PRKDC: variants seen among roughly 807,000 people sequenced by gnomAD.
PRKDC encodes protein kinase, DNA-activated, catalytic subunit, also known as DNA-dependent protein kinase catalytic subunit.
Under a neutral mutation model 486.9 loss-of-function variants are expected in PRKDC, and 82 were observed. The observed-to-expected ratio is 0.17, with a 90% CI of 0.14 to 0.20. The LOEUF (loss-of-function observed/expected upper bound fraction) is 0.20, where lower values mean the gene tolerates loss of function less well. Among genes scored for constraint, PRKDC ranks in the 10% least tolerant of loss-of-function variants. The pLI is 1.00. For synonymous variants in PRKDC, 1,895 were observed against 1,837.0 expected (o/e 1.03, Z -0.81); for missense variants, 4,504 against 5,038.2 (o/e 0.89, Z 3.21).
intron 35 of PRKDC, among the ~76,000 whole-genome samples, 164 bp downstream of exon 35, chr8:47,887,383 C>G (rs975533895): frequency 6.6e-6 from 1 of 151,390 alleles, no homozygotes. Context: ...TTTTTTTTAA[C>G]TATTGAGAAA....
chr8:47,922,042 A>T (rs1305494504), intron 21 of PRKDC, among the ~76,000 whole-genome samples: 2 of 152,200 alleles, frequency 1.3e-5, no homozygotes, highest in East Asian at 3.9e-4. Context: ...CGGCCTCCCT[A>T]AGTGCTGGGA....
In PRKDC at chr8:47,857,507, A is replaced by G. The variant is rs8178155; in HGVS notation, c.6466-208T>C. ...TTATTAAAAGAGGAAATCAGGACAC[A>G]GAGACAGATACAAGGGGGAAGATGA... On this transcript the variant is annotated intron_variant, in intron 48 of 85. Transcript: ENST00000314191. Among the ~76,000 whole-genome samples, 982 of 152,338 alleles carry G rather than the reference A, an allele frequency of 6.4e-3. 13 individuals carry two copies. The highest frequency in any genetic ancestry group is 0.023 in the African/African-American group (952 of 41,572).
rs921810428 is a variant in PRKDC, at chr8:47,893,229, T to G, written c.3757A>C (p.Thr1253Pro). 5.6e-6 allele frequency: 9 copies of G among 1,612,846 alleles called. No homozygotes were observed. In the African/African-American group the frequency reaches 1.2e-4, roughly 22 times the overall value. ...YLRGPFSLQA[T>P]LCWLDLLLAA... ...AGGAGCAGGTCCAGCCAGCATAGCG[T>G]GGCCTGCAGGCTGAATGGCCCCCGA... Residue 1253 changes from threonine (T) to proline (P), a missense_variant, in exon 31 of 86, where the codon ACG (threonine) becomes CCG (proline). By Grantham distance (38) the Thr-to-Pro change is conservative (BLOSUM62 -1). This residue lies in a region of PRKDC where 1,969 missense variants were observed against 2,068.9 expected (regional missense o/e 0.95). Transcript: ENST00000314191.
In PRKDC at chr8:47,823,875, C is replaced by T. The variant is rs1417236041; in HGVS notation, c.8905G>A (p.Ala2969Thr). The stretch of plus-strand genomic sequence containing the variant: ...AATTTTACCTCATCATACTGCTTAG[C>T]AGCTTCAGAATAATCACTTCTGGCT... ...AEARSDYSEA[A>T]KQYDEALNKQ... is the part of the protein sequence containing the mutation. The change falls in exon 64 of 86, where the codon GCT (alanine) becomes ACT (threonine). Residue 2969 changes from alanine to threonine, a missense_variant. Physicochemically the swap from Ala to Thr is moderately conservative, Grantham distance 58. Coordinates refer to ENST00000314191, the MANE Select transcript of PRKDC (RefSeq NM_006904.7). The T allele has an allele frequency of 6.2e-7, 1 of 1,613,792 alleles. No homozygotes were observed. Among genetic ancestry groups the T allele is most frequent in the South Asian group, 1.1e-5 (1 of 91,072 alleles).
At position 47,854,144 on chromosome 8, in the gene PRKDC, C is replaced by G. The variant is rs1243224193; in HGVS notation, c.6832G>C (p.Gly2278Arg). 3.1e-6 allele frequency: 5 copies of G among 1,613,888 alleles called. No homozygotes were observed. The highest frequency in any genetic ancestry group is 2.2e-5 in the East Asian group (1 of 44,888). The change falls in exon 51 of 86, where the codon GGC (glycine) becomes CGC (arginine). Residue 2278 changes from glycine to arginine, a missense_variant. This residue lies in a region of PRKDC where 1,592 missense variants were observed against 1,724.6 expected (regional missense o/e 0.92). Coordinates refer to ENST00000314191, the MANE Select transcript of PRKDC (RefSeq NM_006904.7). ...GGCAGGTCATTGGCCATCACGATGC[C>G]TAGCAATTGAATCCCTACTGAGTTG... ...KDNSVGIQLL[G>R]IVMANDLPPY...
At chr8:47,847,937 AT>A (rs2088310098) in intron 54 of PRKDC, among the ~76,000 whole-genome samples, 1 of 152,004 alleles carries the variant, frequency 6.6e-6, no homozygotes, top group African/African-American at 2.4e-5. Flanking sequence ...TGCAAATGAG[AT>A]ACCATCTCAC....
chr8:47,847,249 G>A (rs1354244823), intron 54 of PRKDC, among the ~76,000 whole-genome samples: 2 of 152,016 alleles, frequency 1.3e-5, no homozygotes, highest in African/African-American at 4.8e-5. Context: ...ATACTACAGG[G>A]ATACAATAAT....
At chr8:47,916,456 G>A (rs2089985198) in intron 22 of PRKDC, among the ~76,000 whole-genome samples, 1 of 151,892 alleles carries the variant, frequency 6.6e-6, no homozygotes, top group South Asian at 2.1e-4. Flanking sequence ...AAATCTTTAA[G>A]TAATGAGAAG....
At chr8:47,840,542 T>C (rs2088116482) in intron 54 of PRKDC, among the ~76,000 whole-genome samples, 1 of 152,208 alleles carries the variant, frequency 6.6e-6, no homozygotes, top group Non-Finnish European at 1.5e-5. Context: ...AAAGGGTGTA[T>C]ATGGAAATTA....
At chr8:47,830,554 C>T (rs1040158737) in intron 61 of PRKDC, 51 bp downstream of exon 61, 5 of 1,599,242 alleles carry the variant, frequency 3.1e-6, no homozygotes, top group African/African-American at 2.7e-5. Flanking sequence ...AACCCCTGAA[C>T]TGGAAACAGA....
chr8:47,917,907 G>A (rs2090012264), intron 22 of PRKDC, among the ~76,000 whole-genome samples: 1 of 152,160 alleles, frequency 6.6e-6, no homozygotes, highest in Non-Finnish European at 1.5e-5. Flanking sequence ...GTGCAGTGGT[G>A]TGATCTTGCT....
chr8:47,889,069 A>G lies in PRKDC; in HGVS notation c.4225T>C (p.Ser1409Pro), dbSNP rs1411156285. 1.2e-6 allele frequency: 2 copies of G among 1,613,884 alleles called. No individual in the cohort carries two copies. Among genetic ancestry groups the G allele is most frequent in the East Asian group, 4.5e-5 (2 of 44,866 alleles). ...CVNLMKALKM[S>P]PYKDILETHL... ...GTCTCTAGGATATCTTTGTATGGGG[A>G]CATCTTTAGAGCTTTCATCAGATTC... The change falls in exon 33 of 86, where the codon TCC becomes CCC. Residue 1409 changes from serine (S) to proline (P), a missense_variant. Ser to Pro is a moderately conservative substitution (Grantham distance 74). Coordinates refer to ENST00000314191, the MANE Select transcript of PRKDC (RefSeq NM_006904.7).
chr8:47,774,381 G>GA lies in PRKDC; in HGVS notation c.12183-5dup, dbSNP rs545199062. On this transcript the variant is annotated splice_polypyrimidine_tract_variant and splice_region_variant and intron_variant, in intron 85 of 85. Transcript: ENST00000314191. ...ATGACCCAGGAGTAGCTCATCACTGGAAAAAAAACAAACACAGAAAACACA... is the reference window on the plus strand; with the variant it reads ...ATGACCCAGGAGTAGCTCATCACTGGAAAAAAAAACAAACACAGAAAACACA... 2.1e-5 allele frequency: 33 copies of GA among 1,607,786 alleles called. No homozygotes were observed. The highest frequency in any genetic ancestry group is 2.0e-4 in the African/African-American group (15 of 74,448).
At chr8:47,902,951 T>C (rs1447208181) in intron 26 of PRKDC, among the ~76,000 whole-genome samples, 156 bp from the exon 27 acceptor site, 2 of 152,240 alleles carry the variant, frequency 1.3e-5, no homozygotes, top group Non-Finnish European at 1.5e-5. Flanking sequence ...CCAATCTCCA[T>C]AGTGTATCCA....
rs530519614 is a variant in PRKDC, at chr8:47,922,145, C to G, written c.2420-3762G>C. Among the ~76,000 whole-genome samples the G allele has an allele frequency of 3.3e-3, 494 of 151,202 alleles. 1 individual carries two copies. Among genetic ancestry groups the G allele is most frequent in the Non-Finnish European group, 5.4e-3 (364 of 67,680 alleles). Reference sequence around the variant, plus strand: ...GCACCCAGCCTGATTTTTCTTTTTTCTTTCTTCAGAAGGGTCTCACTCTGT... The same window carrying G: ...GCACCCAGCCTGATTTTTCTTTTTTGTTTCTTCAGAAGGGTCTCACTCTGT... On this transcript the variant is annotated intron_variant, in intron 21 of 85. Coordinates refer to ENST00000314191, the MANE Select transcript of PRKDC (RefSeq NM_006904.7).
In PRKDC at chr8:47,893,262, A is replaced by C; in HGVS notation, c.3724T>G (p.Leu1242Val). ...AGGCTGAATGGCCCCCGAAGGTACA[A>C]GAGGGTGGGCTGGGCCAGGATGCCC... ...PSGILAQPTL[L>V]YLRGPFSLQA... Residue 1242 changes from leucine (L) to valine (V), a missense_variant, in exon 31 of 86, where the codon TTG (leucine) becomes GTG (valine). This residue lies in a region of PRKDC where 1,969 missense variants were observed against 2,068.9 expected (regional missense o/e 0.95). Transcript: ENST00000314191. The C allele has an allele frequency of 6.2e-7, 1 of 1,612,506 alleles. No homozygotes were observed. The highest frequency in any genetic ancestry group is 8.5e-7 in the Non-Finnish European group (1 of 1,179,152).
rs749565098 is a variant in PRKDC, at chr8:47,904,945, A to T, written c.2966T>A (p.Met989Lys). 4 of 1,613,748 alleles carry T rather than the reference A, an allele frequency of 2.5e-6. No individual in the cohort carries two copies. In the South Asian group the frequency reaches 3.3e-5, roughly 13 times the overall value. ...GTTAGTGAACCAGTGAATCAGCTGCATAACTAGTGGCTCATACAGTTGCCT... is the reference window on the plus strand; with the variant it reads ...GTTAGTGAACCAGTGAATCAGCTGCTTAACTAGTGGCTCATACAGTTGCCT... ...VTRQLYEPLV[M>K]QLIHWFTNNK... Residue 989 changes from methionine to lysine, a missense_variant, in exon 26 of 86, where the codon ATG (methionine) becomes AAG (lysine). Transcript: ENST00000314191.
chr8:47,912,385 A>G (rs2154502784), intron 25 of PRKDC, 25 bp downstream of exon 25: 2 of 1,489,590 alleles, frequency 1.3e-6, no homozygotes, highest in Non-Finnish European at 1.8e-6. Flanking sequence ...AAATTTTACA[A>G]CTATTTCAGA....
intron 84 of PRKDC, 33 bp downstream of exon 84, chr8:47,777,653 A>G (rs755033886): frequency 6.5e-7 from 1 of 1,540,078 alleles, no homozygotes; most frequent in Non-Finnish European, 8.8e-7. Flanking sequence ...ACACTGTCAC[A>G]AAAGTGAAAA....
Sources: allele counts gnomAD v4.1 joint callset (sites outside exome capture counted in the v4.1 genomes callset), GRCh38; gene constraint gnomAD v4.1.1; regional missense constraint gnomAD v4.1.1; transcripts MANE v1.5; gene names NCBI Gene and HGNC (gene_info 2026-07-23, HGNC 2026-07-21).